The following DNAH14 variants were observed in gnomAD, a reference collection of about 807,000 sequenced individuals.
The protein encoded by DNAH14 is dynein axonemal heavy chain 14.
DNAH14 carries 478 observed loss-of-function variants against 520.9 expected under a neutral mutation model. That is an observed-to-expected ratio of 0.92 (90% CI 0.85 to 0.99). The LOEUF is 0.99. Among genes scored for constraint, DNAH14 ranks in the 50% least tolerant of loss-of-function variants. DNAH14 has a pLI of 0.00. For missense variants in DNAH14, 4,831 were observed against 5,234.5 expected (o/e 0.92, Z 2.38); for synonymous variants, 1,581 against 1,757.2 (o/e 0.90, Z 2.51).
intron 13 of DNAH14, 147 bp downstream of exon 13, chr1:225,043,261 C>A: frequency 1.2e-5 from 2 of 170,624 alleles, no homozygotes; most frequent in Non-Finnish European, 2.1e-5. Context: ...GAGACCTTGT[C>A]TCTTGTCTCT....
At chr1:225,270,214 T>C (rs934715800) in intron 49 of DNAH14, among the ~76,000 whole-genome samples, 4 of 149,716 alleles carry the variant, frequency 2.7e-5, no homozygotes, top group Non-Finnish European at 5.9e-5. Context: ...GAGCAAACTA[T>C]CGCAAGGACA....
intron 8 of DNAH14, among the ~76,000 whole-genome samples, chr1:224,997,961 T>A (rs1354850220): frequency 1.3e-5 from 2 of 152,090 alleles, no homozygotes; most frequent in African/African-American, 4.8e-5. Flanking sequence ...TGAATTCAAT[T>A]TTCTTGATAG....
intron 10 of DNAH14, among the ~76,000 whole-genome samples, chr1:225,008,694 G>A (rs2064419328): frequency 6.7e-6 from 1 of 150,296 alleles, no homozygotes; most frequent in Non-Finnish European, 1.5e-5. Context: ...CAAAGTGCTG[G>A]GATTACAGGC....
intron 84 of DNAH14, among the ~76,000 whole-genome samples, chr1:225,393,823 TTG>T (rs1214823939): frequency 1.8e-4 from 27 of 150,496 alleles, no homozygotes; most frequent in African/African-American, 4.2e-4. Flanking sequence ...TGTTTTTTTT[TTG>T]TTTTTTTTTT....
Position 225,398,570 on chromosome 1 carries a change from G to A in DNAH14, c.13542G>A (p.Glu4514=), listed in dbSNP as rs2096057908. The A allele has an allele frequency of 6.4e-7, 1 of 1,551,594 alleles. No individual in the cohort carries two copies. The highest frequency in any genetic ancestry group is 8.7e-7 in the Non-Finnish European group (1 of 1,146,996). The part of the protein sequence containing the change: ...TGVYIFGLFI[E]GARWNREQKI... ...TTTACATTTTTGGTTTATTCATCGA[G>A]GGGGCAAGATGGAATCGTGAACAGA... The change falls in exon 85 of 86, where the codon GAG becomes GAA. Residue 4514 remains glutamate, a synonymous_variant. Coordinates refer to ENST00000682510, the MANE Select transcript of DNAH14 (RefSeq NM_001367479.1).
chr1:225,279,574 T>A (rs2093578925), intron 54 of DNAH14, among the ~76,000 whole-genome samples: 1 of 152,138 alleles, frequency 6.6e-6, no homozygotes, highest in Non-Finnish European at 1.5e-5. Context: ...AAGAAGAAAT[T>A]GTACATGAAT....
At chr1:225,376,325 G>A (rs534163947) in intron 78 of DNAH14, among the ~76,000 whole-genome samples, 2 of 152,092 alleles carry the variant, frequency 1.3e-5, no homozygotes, top group Non-Finnish European at 2.9e-5. Context: ...TACATGGGAG[G>A]CTGAGGCATG....
chr1:224,973,274 T>C (rs1440672018), intron 7 of DNAH14, among the ~76,000 whole-genome samples: 1 of 151,908 alleles, frequency 6.6e-6, no homozygotes, highest in Non-Finnish European at 1.5e-5. Context: ...TAGGATTGGC[T>C]GTTTGGTTGG....
intron 5 of DNAH14, among the ~76,000 whole-genome samples, chr1:224,967,071 G>A (rs1482616332): frequency 1.3e-5 from 2 of 151,998 alleles, no homozygotes; most frequent in Admixed American, 1.3e-4. Flanking sequence ...AATTTAATAT[G>A]CCCAAAAGAT....
chr1:225,291,525 T>C (rs1337791974), intron 55 of DNAH14, among the ~76,000 whole-genome samples: 1 of 152,104 alleles, frequency 6.6e-6, no homozygotes, highest in Non-Finnish European at 1.5e-5. Context: ...CAAGTGATCC[T>C]CCCACCTTAG....
intron 51 of DNAH14, among the ~76,000 whole-genome samples, chr1:225,272,324 G>A (rs970853435): frequency 1.3e-5 from 2 of 152,158 alleles, no homozygotes; most frequent in African/African-American, 4.8e-5. Flanking sequence ...TAAGTGACAA[G>A]GTTATAACAT....
chr1:225,066,943 G>GTTC, intron 17 of DNAH14, among the ~76,000 whole-genome samples: 1 of 152,082 alleles, frequency 6.6e-6, no homozygotes, highest in Non-Finnish European at 1.5e-5. Context: ...ATTGTAAAAT[G>GTTC]TGCTGCTATA....
intron 1 of DNAH14, among the ~76,000 whole-genome samples, chr1:224,950,674 A>G (rs1329582637): frequency 6.6e-6 from 1 of 152,232 alleles, no homozygotes; most frequent in Non-Finnish European, 1.5e-5. Flanking sequence ...TACTCTCTTG[A>G]AGGAGCTGGC....
chr1:225,055,333 A>G (rs1234330901), intron 17 of DNAH14, among the ~76,000 whole-genome samples: 1 of 152,106 alleles, frequency 6.6e-6, no homozygotes, highest in Admixed American at 6.6e-5. Flanking sequence ...GTTCACTGAG[A>G]TAGCTTAGTA....
Position 225,265,282 on chromosome 1 carries a change from T to C in DNAH14, c.7323T>C (p.Asn2441=), listed in dbSNP as rs1440377565. ...VVVSTINFST[N]VTAAKTKEMI... ...TCTCTACAATAAATTTTAGCACCAA[T>C]GTAACAGCTGCCAAAACCAAGGAGA... Residue 2441 remains asparagine, a synonymous_variant, in exon 48 of 86, where the codon AAT becomes AAC. Coordinates refer to ENST00000682510, the MANE Select transcript of DNAH14 (RefSeq NM_001367479.1). 5 of 1,544,628 alleles carry C rather than the reference T, an allele frequency of 3.2e-6. No individual in the cohort carries two copies. Among genetic ancestry groups the C allele is most frequent in the African/African-American group, 1.4e-5 (1 of 72,504 alleles).
At chr1:225,138,785 T>A (rs537662859) in intron 27 of DNAH14, among the ~76,000 whole-genome samples, 12 of 152,090 alleles carry the variant, frequency 7.9e-5, no homozygotes, top group Non-Finnish European at 1.3e-4. Context: ...TAAGCTGTTG[T>A]CCCCCCTCCC....
intron 1 of DNAH14, among the ~76,000 whole-genome samples, chr1:224,941,504 G>A (rs2059418364): frequency 1.3e-5 from 2 of 152,158 alleles, no homozygotes; most frequent in African/African-American, 4.8e-5. Context: ...CTTTTGCTGT[G>A]CAGAAGCTCT....
At chr1:225,237,838 G>A (rs1024920451) in intron 42 of DNAH14, among the ~76,000 whole-genome samples, 6 of 151,864 alleles carry the variant, frequency 4.0e-5, no homozygotes, top group Admixed American at 1.3e-4. Flanking sequence ...TCTTATTCTT[G>A]TCTGCCTGTC....
At chr1:225,388,230 C>A in intron 81 of DNAH14, 149 bp from the exon 82 acceptor site, 1 of 517,944 alleles carries the variant, frequency 1.9e-6, no homozygotes, top group South Asian at 3.2e-5. Context: ...TTAGACTTTT[C>A]ATTATATGCT....
Sources: gnomAD v4.1 joint callset for allele counts (sites outside exome capture counted in the v4.1 genomes callset) on GRCh38, gnomAD v4.1.1 for gene constraint, MANE v1.5 for transcripts, NCBI Gene and HGNC (gene_info 2026-07-23, HGNC 2026-07-21) for gene names.